JAK1: variants seen among roughly 807,000 people sequenced by gnomAD.
The protein encoded by JAK1 is tyrosine-protein kinase JAK1.
A neutral mutation model predicts 136.6 loss-of-function variants in JAK1; 16 were observed. That is an observed-to-expected ratio of 0.12 (90% CI 0.08 to 0.18). JAK1 has a LOEUF of 0.18. Ranked by LOEUF, JAK1 falls within the 10% of genes least tolerant of loss-of-function variation. The pLI is 1.00. For missense variants in JAK1, 859 were observed against 1,450.1 expected, an observed-to-expected ratio of 0.59 and a Z score of 6.62; for synonymous variants, 492 against 519.5, an observed-to-expected ratio of 0.95 and a Z score of 0.72.
At chr1:64,998,068 T>C (rs1432722941) in intron 2 of JAK1, among the ~76,000 whole-genome samples, 1 of 152,190 alleles carries the variant, frequency 6.6e-6, no homozygotes, top group Non-Finnish European at 1.5e-5. Flanking sequence ...AAAAAGAAGA[T>C]TGGATACAGC....
rs576018317 is a variant in JAK1 at position 64,908,697 on chromosome 1, C to T, written c.-77-22356G>A. 5.7e-4 allele frequency among the ~76,000 whole-genome samples: 86 copies of T among 151,518 alleles called. No homozygotes were observed. The Middle Eastern group carries it at 0.01, about 18-fold the overall frequency. On this transcript the variant is annotated intron_variant, in intron 1 of 24. Coordinates refer to ENST00000342505, the MANE Select transcript of JAK1 (RefSeq NM_002227.4). ...GCTTGTTAAAATGGAAGCATATGCCCACAATTTTTAGAATATACTGTGTGT... is the reference window on the plus strand; with the variant it reads ...GCTTGTTAAAATGGAAGCATATGCCTACAATTTTTAGAATATACTGTGTGT...
At chr1:65,039,562 A>T (rs1647110716) in intron 2 of JAK1, among the ~76,000 whole-genome samples, 1 of 152,186 alleles carries the variant, frequency 6.6e-6, no homozygotes, top group Admixed American at 6.5e-5. Flanking sequence ...ACTCAAACCC[A>T]GGTTTGACTG....
chr1:64,878,941 G>T, intron 4 of JAK1, 84 bp downstream of exon 4: 2 of 1,327,924 alleles, frequency 1.5e-6, no homozygotes, highest in Non-Finnish European at 2.1e-6. Flanking sequence ...AATACTTCTT[G>T]GTAAGTGACT....
In JAK1 at chr1:64,834,671, G is replaced by A; in HGVS notation, c.3370-14C>T. The A allele has an allele frequency of 7.2e-6, 11 of 1,518,942 alleles. No homozygotes were observed. Among genetic ancestry groups the A allele is most frequent in the Non-Finnish European group, 1.0e-5 (11 of 1,095,948 alleles). 94.1% of individuals were successfully genotyped at this position (1,518,942 alleles called of 1,614,324 possible). On this transcript the variant is annotated splice_polypyrimidine_tract_variant and intron_variant, in intron 24 of 24. Coordinates refer to ENST00000342505, the MANE Select transcript of JAK1 (RefSeq NM_002227.4). ...AAGTTGATAAACCTGTAAAAAGAAA[G>A]AAGTAACAACAGTAAAAATGTTAGA...
chr1:65,029,813 T>C (rs1048842117), intron 2 of JAK1, among the ~76,000 whole-genome samples: 2 of 151,798 alleles, frequency 1.3e-5, no homozygotes, highest in African/African-American at 4.8e-5. Flanking sequence ...TATTGGAGGG[T>C]AGAGAAAGAG....
chr1:64,881,555 A>G (rs989304987), intron 3 of JAK1, among the ~76,000 whole-genome samples: 4 of 152,366 alleles, frequency 2.6e-5, no homozygotes, highest in African/African-American at 9.6e-5. Flanking sequence ...AGTAACAGTG[A>G]GAGCTACAAG....
In JAK1 at chr1:64,847,650, C is replaced by G; in HGVS notation, c.1781G>C (p.Arg594Thr). 1 of 1,614,112 alleles carries G rather than the reference C, an allele frequency of 6.2e-7. No individual in the cohort carries two copies. The highest frequency in any genetic ancestry group is 8.5e-7 in the Non-Finnish European group (1 of 1,180,004). ...VQGEHLGRGT[R>T]THIYSGTLMD... Reference sequence around the variant, plus strand: ...CAGGGTCCCAGAATAGATGTGTGTTCTCGTGCCTCTCCCAAGGTGCTCGCC... The same window carrying G: ...CAGGGTCCCAGAATAGATGTGTGTTGTCGTGCCTCTCCCAAGGTGCTCGCC... The change falls in exon 13 of 25, where the codon AGA becomes ACA. Residue 594 changes from arginine (R) to threonine (T), a missense_variant. Arg to Thr is a moderately conservative substitution (Grantham distance 71, BLOSUM62 -1). Transcript: ENST00000342505.
At chr1:64,868,231 G>A (rs1008700485) in intron 6 of JAK1, among the ~76,000 whole-genome samples, 1 of 152,154 alleles carries the variant, frequency 6.6e-6, no homozygotes, top group African/African-American at 2.4e-5. Context: ...GGGAGTCAAT[G>A]TTAAGAAGAA....
chr1:64,897,835 A>T (rs1645047260), intron 1 of JAK1, among the ~76,000 whole-genome samples: 1 of 152,058 alleles, frequency 6.6e-6, no homozygotes. Context: ...ATAGGAAATG[A>T]TGGGAAAGGC....
intron 1 of JAK1, among the ~76,000 whole-genome samples, chr1:64,945,601 G>A (rs1412667230): frequency 1.3e-5 from 2 of 152,022 alleles, no homozygotes; most frequent in Non-Finnish European, 2.9e-5. Context: ...AAAAGAATAC[G>A]AATATATACT....
intron 12 of JAK1, among the ~76,000 whole-genome samples, chr1:64,848,531 A>G (rs2101019745): frequency 6.6e-6 from 1 of 152,322 alleles, no homozygotes; most frequent in East Asian, 1.9e-4. Flanking sequence ...AAAGGGAACA[A>G]TACCCCCAGA....
At chr1:64,858,955 TGGGCCAA>T (rs2101066563) in intron 9 of JAK1, among the ~76,000 whole-genome samples, 1 of 152,350 alleles carries the variant, frequency 6.6e-6, no homozygotes, top group South Asian at 2.1e-4. Context: ...AAGGGCATTC[TGGGCCAA>T]GGGAAGAGCG....
At chr1:65,013,279 C>A (rs1646865118) in intron 2 of JAK1, among the ~76,000 whole-genome samples, 1 of 151,226 alleles carries the variant, frequency 6.6e-6, no homozygotes. Flanking sequence ...CACCTGTAAT[C>A]CCAGCTACTC....
chr1:64,989,026 ATAT>A (rs1569832371), intron 2 of JAK1, among the ~76,000 whole-genome samples: 1 of 143,244 alleles, frequency 7.0e-6, no homozygotes, highest in Non-Finnish European at 1.5e-5. Context: ...ATATATATAT[ATAT>A]AAAATACAGA....
At chr1:65,052,954 C>G in intron 1 of JAK1, among the ~76,000 whole-genome samples, 1 of 148,790 alleles carries the variant, frequency 6.7e-6, no homozygotes, top group Non-Finnish European at 1.5e-5. Context: ...TCGCTGGGAC[C>G]CGGGAGGCAC....
intron 1 of JAK1, among the ~76,000 whole-genome samples, chr1:64,926,628 C>A (rs1328991109): frequency 6.6e-6 from 1 of 152,120 alleles, no homozygotes; most frequent in Non-Finnish European, 1.5e-5. Context: ...CTTGATGTGG[C>A]TGCCATTCTA....
rs1570653277 is a variant in JAK1 at position 64,860,262 on chromosome 1, C to T, written c.1177G>A (p.Glu393Lys). 6.2e-7 allele frequency: 1 copy of T among 1,602,208 alleles called. No homozygotes were observed. The highest frequency in any genetic ancestry group is 8.5e-7 in the Non-Finnish European group (1 of 1,173,042). Reference sequence around the variant, plus strand: ...TCCTCGTGGGAAGAGAGCTTCAGTTCCTGTTGAGAGAGAAGAAATTCCCAC... The same window carrying T: ...TCCTCGTGGGAAGAGAGCTTCAGTTTCTGTTGAGAGAGAAGAAATTCCCAC... ...SINKQDNKKM[E>K]LKLSSHEEAL... The change falls in exon 9 of 25, where the codon GAA (glutamate) becomes AAA (lysine). Residue 393 changes from glutamate to lysine, a missense_variant and splice_region_variant. By Grantham distance (56) the Glu-to-Lys change is moderately conservative. Around this residue, in one of 4 missense-constraint regions of JAK1, gnomAD observed 353 missense variants for 494.0 expected, o/e 0.71. Transcript: ENST00000342505.
At chr1:64,902,457 A>G (rs1304985339) in intron 1 of JAK1, among the ~76,000 whole-genome samples, 2 of 152,004 alleles carry the variant, frequency 1.3e-5, no homozygotes, top group Admixed American at 6.6e-5. Flanking sequence ...CTCAACAAAG[A>G]GTTGTTGAAA....
rs570580239 is a variant in JAK1 at position 64,947,515 on chromosome 1, A to C, written c.-78+18818T>G. ...GCAGAACATAAGACCAATGAACAGG[A>C]AGCAGAATAGCAGGATTCTTACTGA... On this transcript the variant is annotated intron_variant, in intron 1 of 24. Coordinates refer to ENST00000342505, the MANE Select transcript of JAK1 (RefSeq NM_002227.4). 6.6e-5 allele frequency among the ~76,000 whole-genome samples: 10 copies of C among 152,330 alleles called. No individual in the cohort carries two copies. In the South Asian group the frequency reaches 2.1e-3, roughly 32 times the overall value.
Sources: gnomAD v4.1 joint callset for allele counts (sites outside exome capture counted in the v4.1 genomes callset) on GRCh38, gnomAD v4.1.1 for gene constraint, gnomAD v4.1.1 regional missense constraint, MANE v1.5 for transcripts, NCBI Gene and HGNC (gene_info 2026-07-23, HGNC 2026-07-21) for gene names.